Variants in MED25 observed in about 807,000 individuals in gnomAD.
The protein encoded by MED25 is mediator of RNA polymerase II transcription subunit 25.
MED25 carries 62 observed loss-of-function variants against 89.4 expected under a neutral mutation model. The ratio of observed to expected loss-of-function variants is 0.69; its 90% CI spans 0.57 to 0.86. The LOEUF is 0.86. Ranked by LOEUF, MED25 falls within the 40% of genes least tolerant of loss-of-function variation. The pLI is 0.00. For synonymous variants in MED25, 449 were observed against 427.9 expected, an observed-to-expected ratio of 1.05 and a Z score of -0.61; for missense variants, 905 against 1,005.2, an observed-to-expected ratio of 0.90 and a Z score of 1.35.
Position 49,832,305 on chromosome 19 carries a change from C to A in MED25, c.1375-3C>A. ...TGCCAGCCGACTTCTGTGTCTCCCGCAGACCACCCTGGGCCCTTTGTTCCG... is the reference window on the plus strand; with the variant it reads ...TGCCAGCCGACTTCTGTGTCTCCCGAAGACCACCCTGGGCCCTTTGTTCCG... On this transcript the variant is annotated splice_polypyrimidine_tract_variant and splice_region_variant and intron_variant, in intron 12 of 17. Transcript: ENST00000312865. 1 of 1,599,764 alleles carries A rather than the reference C, an allele frequency of 6.3e-7. No individual in the cohort carries two copies. The highest frequency in any genetic ancestry group is 8.5e-7 in the Non-Finnish European group (1 of 1,170,732).
At position 49,830,900 on chromosome 19, in the gene MED25, A is replaced by G; in HGVS notation, c.1101+13A>G. The G allele has an allele frequency of 6.3e-7, 1 of 1,597,184 alleles. No individual in the cohort carries two copies. ...GGCACCGTCCATGGTAGGTGCCTGC[A>G]CGCCTCCTGCCCCTGCTCCTTCCTC... is the stretch of plus-strand genomic sequence containing the variant. On this transcript the variant is annotated intron_variant, in intron 9 of 17. Coordinates refer to ENST00000312865, the MANE Select transcript of MED25 (RefSeq NM_030973.4). This position sits in a 1 kb window ranked among gnomAD's most constrained non-coding sequence, Gnocchi z 4.6.
rs1437689468 is a variant in MED25 at position 49,828,389 on chromosome 19, A to T, written c.306-60A>T. 6 of 1,171,336 alleles carry T rather than the reference A, an allele frequency of 5.1e-6. No individual in the cohort carries two copies. The Admixed American group carries it at 8.5e-5, about 17-fold the overall frequency. The allele number at this position is 1,171,336 out of a possible 1,614,324, so 72.6% of individuals were successfully genotyped here. A position where few individuals can be genotyped will look rare whatever the true frequency, so the allele number is the denominator to read the frequency against. Reference sequence around the variant, plus strand: ...GGACAGCATGGGAGCAGGCTCTTCAAGCATAGCCTGGGGATGGGGATGATG... The same window carrying T: ...GGACAGCATGGGAGCAGGCTCTTCATGCATAGCCTGGGGATGGGGATGATG... On this transcript the variant is annotated intron_variant, in intron 3 of 17. Transcript: ENST00000312865.
chr19:49,818,736 G>C, intron 2 of MED25, 120 bp downstream of exon 2: 1 of 985,652 alleles, frequency 1.0e-6, no homozygotes, highest in East Asian at 2.5e-5. Context: ...GGGGCTGGGG[G>C]TCTGGACTCC....
rs2074059360 is a variant in MED25 at position 49,831,778 on chromosome 19, G to A, written c.1231-158G>A. On this transcript the variant is annotated intron_variant, in intron 10 of 17. Coordinates refer to ENST00000312865, the MANE Select transcript of MED25 (RefSeq NM_030973.4). The surrounding 1 kb of genome is among the most constrained non-coding windows in gnomAD (Gnocchi z 5.0). ...CGGGCACGTAGCTGTAACATTTGAG[G>A]AACTGAAGGCTTGCTGGTCTGGAGG... is the stretch of plus-strand genomic sequence containing the variant. Among the ~76,000 whole-genome samples the A allele has an allele frequency of 6.6e-6, 1 of 152,098 alleles. No homozygotes were observed. Among genetic ancestry groups the A allele is most frequent in the African/African-American group, 2.4e-5 (1 of 41,404 alleles).
At position 49,818,294 on chromosome 19, in the gene MED25, G is replaced by GCGGCGT. The variant is rs1227261682; in HGVS notation, c.-43_-38dup. The GCGGCGT allele has an allele frequency of 6.5e-6, 10 of 1,547,872 alleles. No individual in the cohort carries two copies. Among genetic ancestry groups the GCGGCGT allele is most frequent in the Non-Finnish European group, 8.7e-6 (10 of 1,145,438 alleles). ...GCGCAGGCGCATTTCTGCTCATTCCGCGGCGTCGGCTGCGGCTGCAGTGGT... is the reference window on the plus strand; with the variant it reads ...GCGCAGGCGCATTTCTGCTCATTCCGCGGCGTCGGCGTCGGCTGCGGCTGCAGTGGT... On this transcript the variant is annotated 5_prime_UTR_variant, in exon 1 of 18. Coordinates refer to ENST00000312865, the MANE Select transcript of MED25 (RefSeq NM_030973.4).
At chr19:49,833,840 T>G (rs1432971282) in intron 13 of MED25, 1 of 152,374 alleles carries the variant, frequency 6.6e-6, no homozygotes, top group Non-Finnish European at 1.5e-5. Context: ...GCACATGGCC[T>G]GTCCACGTGG....
Position 49,835,138 on chromosome 19 carries a change from G to T in MED25, c.1635G>T (p.Lys545Asn). The change falls in exon 14 of 18, where the codon AAG becomes AAT. Residue 545 changes from lysine to asparagine, a missense_variant. Physicochemically the swap from Lys to Asn is moderately conservative, Grantham distance 94 (BLOSUM62 0). Transcript: ENST00000312865. The surrounding 1 kb of genome is among the most constrained non-coding windows in gnomAD (Gnocchi z 6.2). ...TCCGGCAGGTCATCACCAACCACAA[G>T]CAGGTCCAGCAGCAGAAGCTGGAGC... ...NGIRQVITNH[K>N]QVQQQKLEQQ... 1 of 1,614,022 alleles carries T rather than the reference G, an allele frequency of 6.2e-7. No homozygotes were observed. Among genetic ancestry groups the T allele is most frequent in the Non-Finnish European group, 8.5e-7 (1 of 1,179,996 alleles).
chr19:49,821,316 C>G (rs1405153706), intron 3 of MED25, among the ~76,000 whole-genome samples: 2 of 152,202 alleles, frequency 1.3e-5, no homozygotes, highest in Non-Finnish European at 1.5e-5. Context: ...GGGTCTCACT[C>G]TGTCACGCAG....
downstream of MED25, chr19:49,838,498 C>T (rs936255993): frequency 4.5e-6 from 2 of 442,330 alleles, no homozygotes; most frequent in Non-Finnish European, 9.2e-6. Flanking sequence ...CTGCCTTTGT[C>T]ACGGGGTTTG....
chr19:49,838,858 C>T (rs766574711), downstream of MED25: 13 of 422,986 alleles, frequency 3.1e-5, no homozygotes, highest in South Asian at 8.5e-5. Context: ...ACAGAAGTGG[C>T]GCGGCAGTGG....
chr19:49,818,318 G>T lies in MED25; in HGVS notation c.-24G>T. On this transcript the variant is annotated 5_prime_UTR_variant, in exon 1 of 18. Transcript: ENST00000312865. ...CGCGGCGTCGGCTGCGGCTGCAGTG[G>T]TGGTGGCGGGTACCGCACGGGGTAT... 1 of 1,564,940 alleles carries T rather than the reference G, an allele frequency of 6.4e-7. No homozygotes were observed. The highest frequency in any genetic ancestry group is 8.7e-7 in the Non-Finnish European group (1 of 1,153,412).
intron 2 of MED25, 199 bp from the exon 3 acceptor site, chr19:49,818,973 T>C (rs2073961281): frequency 1.5e-6 from 1 of 676,278 alleles, no homozygotes; most frequent in Non-Finnish European, 2.6e-6. Context: ...CTCCTGGGTC[T>C]GAGGGAGGAG....
In MED25 at chr19:49,830,039, G is replaced by T; in HGVS notation, c.689-49G>T. On this transcript the variant is annotated intron_variant, in intron 6 of 17. Coordinates refer to ENST00000312865, the MANE Select transcript of MED25 (RefSeq NM_030973.4). This position sits in a 1 kb window ranked among gnomAD's most constrained non-coding sequence, Gnocchi z 4.6. ...GATTTTGGATTTCTCTCCTTTCTCTGCATCTTGAATCCCTTCTCTCTGGGG... is the reference window on the plus strand; with the variant it reads ...GATTTTGGATTTCTCTCCTTTCTCTTCATCTTGAATCCCTTCTCTCTGGGG... The T allele has an allele frequency of 6.3e-7, 1 of 1,597,830 alleles. No individual in the cohort carries two copies. The highest frequency in any genetic ancestry group is 8.5e-7 in the Non-Finnish European group (1 of 1,171,708).
At position 49,836,563 on chromosome 19, in the gene MED25, A is replaced by G. The variant is rs1376577750; in HGVS notation, c.2146+157A>G. 1 of 932,140 alleles carries G rather than the reference A, an allele frequency of 1.1e-6. No individual in the cohort carries two copies. The highest frequency in any genetic ancestry group is 2.0e-5 in the Admixed American group (1 of 50,254). The allele number at this position is 932,140 out of a possible 1,614,324, so 57.7% of individuals were successfully genotyped here. On this transcript the variant is annotated intron_variant, in intron 17 of 17. Transcript: ENST00000312865. This position sits in a 1 kb window ranked among gnomAD's most constrained non-coding sequence, Gnocchi z 5.1. ...TGCGGAGCTCTGAGGGCTCCGGGAA[A>G]GTACAGCCCATGGGTCCAAGGACCT...
chr19:49,836,502 C>A lies in MED25; in HGVS notation c.2146+96C>A. 1.4e-6 allele frequency: 2 copies of A among 1,426,898 alleles called. No homozygotes were observed. The highest frequency in any genetic ancestry group is 1.9e-6 in the Non-Finnish European group (2 of 1,034,684). 88.4% of individuals were successfully genotyped at this position (1,426,898 alleles called of 1,614,324 possible). A position where few individuals can be genotyped will look rare whatever the true frequency, so the allele number is the denominator to read the frequency against. On this transcript the variant is annotated intron_variant, in intron 17 of 17. Transcript: ENST00000312865. The surrounding 1 kb of genome is among the most constrained non-coding windows in gnomAD (Gnocchi z 5.1). ...ACCGAGTGCTCCTGGGAAGTAAAGA[C>A]ATAGGATCCAAGAATGAGGGTTCCC...
chr19:49,831,576 C>T lies in MED25; in HGVS notation c.1230+115C>T, dbSNP rs1053947218. Reference sequence around the variant, plus strand: ...CTGCAGTGCTGGGTTTGGAGGCATTCGTTGCGCTGGACCTGTGGGATGCGG... The same window carrying T: ...CTGCAGTGCTGGGTTTGGAGGCATTTGTTGCGCTGGACCTGTGGGATGCGG... On this transcript the variant is annotated intron_variant, in intron 10 of 17. Coordinates refer to ENST00000312865, the MANE Select transcript of MED25 (RefSeq NM_030973.4). The surrounding 1 kb of genome is among the most constrained non-coding windows in gnomAD (Gnocchi z 5.0). 23 of 1,327,290 alleles carry T rather than the reference C, an allele frequency of 1.7e-5. No homozygotes were observed. In the Admixed American group the frequency reaches 2.4e-4, roughly 14 times the overall value. The allele number at this position is 1,327,290 out of a possible 1,614,324, so 82.2% of individuals were successfully genotyped here.
At chr19:49,840,344 A>G (rs1326040376), downstream of MED25, 1 of 152,220 alleles carries the variant, frequency 6.6e-6, no homozygotes, top group Non-Finnish European at 1.5e-5. Flanking sequence ...ATTATGTTCC[A>G]TGCATTCACC....
chr19:49,818,950 G>T, intron 2 of MED25: 1 of 618,130 alleles, frequency 1.6e-6, no homozygotes, highest in Admixed American at 2.8e-5. Flanking sequence ...GGGAGGAGGT[G>T]CTGGGGCCTG....
chr19:49,822,230 T>C (rs1425515666), intron 3 of MED25, among the ~76,000 whole-genome samples: 1 of 129,266 alleles, frequency 7.7e-6, no homozygotes, highest in Non-Finnish European at 1.5e-5. Context: ...ACCACTGCAC[T>C]CCAGCCTGGG....
Sources: allele counts gnomAD v4.1 joint callset (sites outside exome capture counted in the v4.1 genomes callset), GRCh38; gene constraint gnomAD v4.1.1; non-coding constraint Gnocchi (gnomAD v3.1); transcripts MANE v1.5; gene names NCBI Gene and HGNC (gene_info 2026-07-23, HGNC 2026-07-21).